Variants in CAD observed in about 807,000 individuals in gnomAD.
CAD encodes the protein carbamoyl-phosphate synthetase 2, aspartate transcarbamylase, and dihydroorotase, also known as multifunctional protein CAD.
Under a neutral mutation model 237.2 loss-of-function variants are expected in CAD, and 81 were observed. The observed-to-expected ratio is 0.34, with a 90% confidence interval of 0.29 to 0.41. The LOEUF (loss-of-function observed/expected upper bound fraction) is 0.41. Among genes scored for constraint, CAD ranks in the 10% least tolerant of loss-of-function variants. The probability of loss-of-function intolerance (pLI) is 1.00; values close to 1 mark genes in which losing one functional copy is unlikely to be tolerated. For synonymous variants in CAD, 1,196 were observed against 1,162.8 expected, an observed-to-expected ratio of 1.03 and a Z score of -0.58; for missense variants, 2,181 against 2,951.7, an observed-to-expected ratio of 0.74 and a Z score of 6.05.
Position 27,238,042 on chromosome 2 carries a change from C to T in CAD, c.4729-14C>T, listed in dbSNP as rs370009402. Reference sequence around the variant, plus strand: ...GATTCTGCACACTCCTTCATCAGTTCTTTCTGCTCCCAGCATTTCGAGACA... The same window carrying T: ...GATTCTGCACACTCCTTCATCAGTTTTTTCTGCTCCCAGCATTTCGAGACA... On this transcript the variant is annotated splice_polypyrimidine_tract_variant and intron_variant, in intron 29 of 43. Transcript: ENST00000264705. 6.2e-7 allele frequency: 1 copy of T among 1,613,874 alleles called. No individual in the cohort carries two copies. Among genetic ancestry groups the T allele is most frequent in the East Asian group, 2.2e-5 (1 of 44,890 alleles).
chr2:27,241,249 G>A lies in CAD; in HGVS notation c.5808+22G>A, dbSNP rs748748334. The A allele has an allele frequency of 1.2e-6, 2 of 1,612,816 alleles. No individual in the cohort carries two copies. Among genetic ancestry groups the A allele is most frequent in the East Asian group, 2.2e-5 (1 of 44,870 alleles). ...TCAGGTGCCTGGGGCAGGGAGGATG[G>A]GACCACCCAGAGCTTTGAGGATTTG... On this transcript the variant is annotated intron_variant, in intron 37 of 43. Transcript: ENST00000264705. This position sits in a 1 kb window ranked among gnomAD's most constrained non-coding sequence, Gnocchi z 4.6.
rs1230657647 is a variant in CAD, at chr2:27,222,937, A to G, written c.709A>G (p.Ser237Gly). The change falls in exon 6 of 44, where the codon AGC (serine) becomes GGC (glycine). Residue 237 changes from serine to glycine, a missense_variant. Ser to Gly is a moderately conservative substitution (Grantham distance 56). Coordinates refer to ENST00000264705, the MANE Select transcript of CAD (RefSeq NM_004341.5). ...ASYPSVVSTLSRVLSEPNPRP... is the reference protein window; with the variant it reads ...ASYPSVVSTLGRVLSEPNPRP... ...CTATCCCAGTGTCGTATCCACACTG[A>G]GCCGTGTTTTATCTGAGCCTAATCC... The G allele has an allele frequency of 6.2e-7, 1 of 1,614,076 alleles. No individual in the cohort carries two copies. The highest frequency in any genetic ancestry group is 8.5e-7 in the Non-Finnish European group (1 of 1,179,958).
chr2:27,243,330 G>A (rs1388473624), intron 43 of CAD, 38 bp downstream of exon 43: 1 of 1,611,224 alleles, frequency 6.2e-7, no homozygotes, highest in Non-Finnish European at 8.5e-7. Context: ...CCTCGGGGCT[G>A]GTGGACGGGA....
chr2:27,239,506 C>T lies in CAD; in HGVS notation c.5394+35C>T, dbSNP rs1457737734. The T allele has an allele frequency of 3.1e-6, 5 of 1,606,014 alleles. No individual in the cohort carries two copies. Among genetic ancestry groups the T allele is most frequent in the Non-Finnish European group, 4.3e-6 (5 of 1,174,252 alleles). On this transcript the variant is annotated intron_variant, in intron 33 of 43. Coordinates refer to ENST00000264705, the MANE Select transcript of CAD (RefSeq NM_004341.5). The surrounding 1 kb of genome is among the most constrained non-coding windows in gnomAD (Gnocchi z 4.0). ...TAGCCCCTGCCTGATCTCAGTAGTG[C>T]CCTCTTCTGCACCACGTTCATTTCT...
In CAD at chr2:27,235,350, G is replaced by A; in HGVS notation, c.3892G>A (p.Ala1298Thr). 6.2e-7 allele frequency: 1 copy of A among 1,614,086 alleles called. No homozygotes were observed. The highest frequency in any genetic ancestry group is 8.5e-7 in the Non-Finnish European group (1 of 1,180,010). ...CGGCTTTGGGGAGAGCCGCTGTGAG[G>A]CATACCTCAAGGCCATGCTAAGCAC... Reference protein sequence around the residue: ...VAGFGESRCEAYLKAMLSTGF... With the variant: ...VAGFGESRCETYLKAMLSTGF... The change falls in exon 24 of 44, where the codon GCA (alanine) becomes ACA (threonine). Residue 1298 changes from alanine to threonine, a missense_variant. Ala to Thr is a moderately conservative substitution (Grantham distance 58). Transcript: ENST00000264705. This position sits in a 1 kb window ranked among gnomAD's most constrained non-coding sequence, Gnocchi z 5.2.
intron 11 of CAD, 35 bp downstream of exon 11, chr2:27,225,278 G>A (rs1286728613): frequency 1.6e-6 from 2 of 1,234,052 alleles, no homozygotes; most frequent in Admixed American, 2.2e-5. Context: ...AAGAATGGTG[G>A]TGTTTTTTTT....
chr2:27,240,997 G>C lies in CAD; in HGVS notation c.5638+42G>C. The C allele has an allele frequency of 6.2e-7, 1 of 1,614,050 alleles. No homozygotes were observed. The highest frequency in any genetic ancestry group is 8.5e-7 in the Non-Finnish European group (1 of 1,179,972). On this transcript the variant is annotated intron_variant, in intron 36 of 43. Transcript: ENST00000264705. The surrounding 1 kb of genome is among the most constrained non-coding windows in gnomAD (Gnocchi z 4.6). Reference sequence around the variant, plus strand: ...ACACACACTCACCTCGGGGACCTCTGATCTGGCCTTGGTAGGAGGAACCCT... The same window carrying C: ...ACACACACTCACCTCGGGGACCTCTCATCTGGCCTTGGTAGGAGGAACCCT...
Position 27,237,938 on chromosome 2 carries a change from C to G in CAD, c.4728+56C>G. On this transcript the variant is annotated intron_variant, in intron 29 of 43. Transcript: ENST00000264705. The surrounding 1 kb of genome is among the most constrained non-coding windows in gnomAD (Gnocchi z 4.0). ...CACCCAGTGTCTCCTGGCTTGTGGG[C>G]CCCTGCCTAAGTGGGCTGGTAGCAG... 14 of 1,574,662 alleles carry G rather than the reference C, an allele frequency of 8.9e-6. No individual in the cohort carries two copies. The highest frequency in any genetic ancestry group is 8.6e-7 in the Non-Finnish European group (1 of 1,157,720).
In CAD at chr2:27,234,618, G is replaced by A. The variant is rs761813123; in HGVS notation, c.3719G>A (p.Arg1240Gln). ...GTGGACCTAGTAGCCTTGGCCACGC[G>A]GGTCATCATGGGGGAAGAAGTGGAA... ...LGVDLVALAT[R>Q]VIMGEEVEPV... The change falls in exon 23 of 44, where the codon CGG (arginine) becomes CAG (glutamine). Residue 1240 changes from arginine (R) to glutamine (Q), a missense_variant. This residue lies in a region of CAD where 306 missense variants were observed against 607.9 expected (regional missense o/e 0.50). Transcript: ENST00000264705. The A allele has an allele frequency of 2.5e-6, 4 of 1,614,044 alleles. No homozygotes were observed. Among genetic ancestry groups the A allele is most frequent in the East Asian group, 2.2e-5 (1 of 44,884 alleles).
Position 27,232,296 on chromosome 2 carries a change from G to T in CAD, c.2645+72G>T, listed in dbSNP as rs910133101. ...ACCTTTGTATCAGTGAGGGACCCTT[G>T]GGAGGGAGGAAGGAGAGTGTGGGAG... On this transcript the variant is annotated intron_variant, in intron 17 of 43. Transcript: ENST00000264705. The surrounding 1 kb of genome is among the most constrained non-coding windows in gnomAD (Gnocchi z 4.1). 4 of 1,594,178 alleles carry T rather than the reference G, an allele frequency of 2.5e-6. No individual in the cohort carries two copies.
In CAD at chr2:27,239,262, G is replaced by A. The variant is rs555776681; in HGVS notation, c.5253+30G>A. 1.9e-6 allele frequency: 3 copies of A among 1,600,798 alleles called. No individual in the cohort carries two copies. The highest frequency in any genetic ancestry group is 2.2e-5 in the South Asian group (2 of 90,642). On this transcript the variant is annotated intron_variant, in intron 32 of 43. Transcript: ENST00000264705. This position sits in a 1 kb window ranked among gnomAD's most constrained non-coding sequence, Gnocchi z 4.0. The stretch of plus-strand genomic sequence containing the variant: ...GGGGATGAGGCCCAGAGCAGGAGGG[G>A]GGCTCTCCAGCCCTAGGATATGTTC...
intron 2 of CAD, among the ~76,000 whole-genome samples, chr2:27,219,616 GTTTC>G (rs975323604): frequency 2.0e-5 from 3 of 151,924 alleles, no homozygotes; most frequent in Admixed American, 1.3e-4. Flanking sequence ...TTGAGGTAGA[GTTTC>G]TTTCTTGTTG....
At position 27,242,268 on chromosome 2, in the gene CAD, G is replaced by T. The variant is rs760064224; in HGVS notation, c.6097-34G>T. The T allele has an allele frequency of 3.0e-5, 48 of 1,594,160 alleles. No homozygotes were observed. Among genetic ancestry groups the T allele is most frequent in the Non-Finnish European group, 3.9e-5 (46 of 1,166,896 alleles). On this transcript the variant is annotated intron_variant, in intron 39 of 43. Coordinates refer to ENST00000264705, the MANE Select transcript of CAD (RefSeq NM_004341.5). The surrounding 1 kb of genome is among the most constrained non-coding windows in gnomAD (Gnocchi z 6.4). ...GGACTGGCAGTTGGGGGGCCTCTGA[G>T]CTGCAAAAGACAGGATTTTCCCCTT...
intron 2 of CAD, among the ~76,000 whole-genome samples, chr2:27,220,650 C>T (rs1013386455): frequency 4.1e-5 from 6 of 146,634 alleles, no homozygotes; most frequent in Non-Finnish European, 6.0e-5. Flanking sequence ...CAGCAAGACC[C>T]TGTCTCAAAA....
Position 27,243,717 on chromosome 2 carries a change from T to C in CAD, c.*199T>C. The C allele has an allele frequency of 1.7e-6, 1 of 597,954 alleles. No homozygotes were observed. Among genetic ancestry groups the C allele is most frequent in the Non-Finnish European group, 3.0e-6 (1 of 334,898 alleles). 37.0% of individuals were successfully genotyped at this position (597,954 alleles called of 1,614,324 possible). A position where few individuals can be genotyped will look rare whatever the true frequency, so the allele number is the denominator to read the frequency against. On this transcript the variant is annotated 3_prime_UTR_variant, in exon 44 of 44. Transcript: ENST00000264705. ...TGCTGGGGCCCAGTCTGCCCCATCTTCATTCCTGCACCTTAAACCTGTACA... is the reference window on the plus strand; with the variant it reads ...TGCTGGGGCCCAGTCTGCCCCATCTCCATTCCTGCACCTTAAACCTGTACA...
chr2:27,224,925 C>A, intron 10 of CAD, 49 bp downstream of exon 10: 1 of 1,612,814 alleles, frequency 6.2e-7, no homozygotes, highest in Non-Finnish European at 8.5e-7. Context: ...GCAGGGGGGC[C>A]CAGTGGTCAC....
At chr2:27,217,749 C>T (rs536717234) in intron 1 of CAD, 116 bp downstream of exon 1, 213 of 1,424,224 alleles carry the variant, frequency 1.5e-4, no homozygotes, top group Non-Finnish European at 1.8e-4. Context: ...TTCCCCCATT[C>T]GGTGCCCATG....
At chr2:27,218,293 G>A (rs73921472) in intron 2 of CAD, among the ~76,000 whole-genome samples, 8,444 of 152,244 alleles carry the variant, frequency 0.055, 267 homozygotes, top group African/African-American at 0.081. Context: ...TGTAGTGAAG[G>A]CATGGATCAA....
In CAD at chr2:27,239,870, C is replaced by T; in HGVS notation, c.5496+72C>T. On this transcript the variant is annotated intron_variant, in intron 34 of 43. Transcript: ENST00000264705. The surrounding 1 kb of genome is among the most constrained non-coding windows in gnomAD (Gnocchi z 4.0). ...GCAGGATGAACAGCTTGAACATTTT[C>T]ATTGGTGGTTCAGGAACAATTGGGG... The T allele has an allele frequency of 9.1e-7, 1 of 1,094,630 alleles. No individual in the cohort carries two copies. Among genetic ancestry groups the T allele is most frequent in the Non-Finnish European group, 1.3e-6 (1 of 765,138 alleles). 67.8% of individuals were successfully genotyped at this position (1,094,630 alleles called of 1,614,324 possible).
Sources: allele counts gnomAD v4.1 joint callset (sites outside exome capture counted in the v4.1 genomes callset), GRCh38; gene constraint gnomAD v4.1.1; regional missense constraint gnomAD v4.1.1; non-coding constraint Gnocchi (gnomAD v3.1); transcripts MANE v1.5; gene names NCBI Gene and HGNC (gene_info 2026-07-23, HGNC 2026-07-21).